The following TPTE variants were observed in gnomAD, a reference collection of about 807,000 sequenced individuals.
TPTE encodes putative tyrosine-protein phosphatase TPTE.
In TPTE, 59 loss-of-function variants were observed where a neutral mutation model predicts 84.1. The ratio of observed to expected loss-of-function variants is 0.70; its 90% CI spans 0.57 to 0.87. The LOEUF is 0.87. Among genes scored for constraint, TPTE ranks in the 40% least tolerant of loss-of-function variants. TPTE has a pLI of 0.00. For synonymous variants in TPTE, 130 were observed against 223.5 expected (o/e 0.58, Z 3.73); for missense variants, 382 against 659.6 (o/e 0.58, Z 4.61).
intron 17 of TPTE, among the ~76,000 whole-genome samples, chr21:10,589,157 T>G (rs1366870009): frequency 6.6e-6 from 1 of 152,306 alleles, no homozygotes; most frequent in Non-Finnish European, 1.5e-5. Flanking sequence ...GGATTTTTCT[T>G]TTTCTTTCCT....
At position 10,605,674 on chromosome 21, in the gene TPTE, T is replaced by G; in HGVS notation, c.*122T>G. The G allele has an allele frequency of 6.8e-7, 1 of 1,478,180 alleles. No homozygotes were observed. The highest frequency in any genetic ancestry group is 1.4e-5 in the African/African-American group (1 of 69,864). 91.6% of individuals were successfully genotyped at this position (1,478,180 alleles called of 1,614,324 possible). On this transcript the variant is annotated 3_prime_UTR_variant, in exon 24 of 24. Transcript: ENST00000618007. ...GTATTTATTTATGTTTATATATGTT[T>G]ATATATGTTCTTCATAAATCTATTA...
Position 10,605,574 on chromosome 21 carries a change from C to T in TPTE, c.*22C>T. On this transcript the variant is annotated 3_prime_UTR_variant, in exon 24 of 24. Coordinates refer to ENST00000618007, the MANE Select transcript of TPTE (RefSeq NM_199261.4). ...TTAAGTATAGCTCCCCCTTCCCCTT[C>T]TGGGAAAGAATTATGTTCTTTCCAA... 1 of 1,613,960 alleles carries T rather than the reference C, an allele frequency of 6.2e-7. No individual in the cohort carries two copies. Among genetic ancestry groups the T allele is most frequent in the Non-Finnish European group, 8.5e-7 (1 of 1,179,856 alleles).
chr21:10,557,682 G>A (rs1218858337), intron 8 of TPTE, among the ~76,000 whole-genome samples: 1 of 152,426 alleles, frequency 6.6e-6, no homozygotes, highest in East Asian at 1.9e-4. Flanking sequence ...AGATTAGAAG[G>A]ATTGGGGATT....
intron 10 of TPTE, among the ~76,000 whole-genome samples, chr21:10,564,958 T>A (rs1346444591): frequency 6.6e-6 from 1 of 152,306 alleles, no homozygotes; most frequent in East Asian, 1.9e-4. Flanking sequence ...GGATGCCCAC[T>A]TTTACCACCG....
intron 10 of TPTE, among the ~76,000 whole-genome samples, chr21:10,562,394 C>A (rs1372096678): frequency 1.3e-5 from 2 of 152,426 alleles, no homozygotes; most frequent in East Asian, 3.8e-4. Flanking sequence ...GAAAACATGA[C>A]CTCACCAAAT....
intron 20 of TPTE, among the ~76,000 whole-genome samples, chr21:10,596,568 CCTCCA>C (rs1423608806): frequency 1.9e-4 from 29 of 152,390 alleles, no homozygotes; most frequent in African/African-American, 6.0e-4. Flanking sequence ...TCCCCTCTCT[CCTCCA>C]TCTGTAACCC....
intron 3 of TPTE, among the ~76,000 whole-genome samples, chr21:10,529,183 CAAAAAAAAAA>C: frequency 6.9e-6 from 1 of 144,142 alleles, no homozygotes; most frequent in East Asian, 2.0e-4. Flanking sequence ...AACTCTGTCT[CAAAAAAAAAA>C]AAAAAAAAGT....
intron 7 of TPTE, among the ~76,000 whole-genome samples, chr21:10,546,731 G>A (rs1347053327): frequency 6.6e-5 from 10 of 152,306 alleles, no homozygotes; most frequent in Non-Finnish European, 1.0e-4. Flanking sequence ...TTAAGCCAAA[G>A]CGTAATCCAG....
intron 3 of TPTE, among the ~76,000 whole-genome samples, chr21:10,530,936 T>C (rs2074166368): frequency 6.6e-6 from 1 of 152,310 alleles, no homozygotes; most frequent in African/African-American, 2.4e-5. Flanking sequence ...TTTATGTTCT[T>C]ATAGCATTTG....
chr21:10,589,477 G>C (rs1249626395), intron 17 of TPTE, among the ~76,000 whole-genome samples: 288 of 151,548 alleles, frequency 1.9e-3, no homozygotes, highest in African/African-American at 6.8e-3. Flanking sequence ...CTCAGCCCTA[G>C]GGGTAGGGGG....
intron 7 of TPTE, among the ~76,000 whole-genome samples, chr21:10,551,012 AG>A (rs1418363451): frequency 1.3e-5 from 2 of 152,300 alleles, no homozygotes; most frequent in Non-Finnish European, 2.9e-5. Context: ...CAGTGAGTGA[AG>A]AAAGAAATTA....
intron 17 of TPTE, among the ~76,000 whole-genome samples, chr21:10,580,071 T>C: frequency 6.6e-6 from 1 of 152,304 alleles, no homozygotes; most frequent in East Asian, 1.9e-4. Flanking sequence ...AGGATATCTC[T>C]TTGTGGTTTT....
chr21:10,574,583 C>G (rs1294572981), intron 14 of TPTE, among the ~76,000 whole-genome samples: 1 of 152,312 alleles, frequency 6.6e-6, no homozygotes, highest in African/African-American at 2.4e-5. Flanking sequence ...GCACCTTCAA[C>G]TGAGATAACC....
At chr21:10,550,665 C>A (rs573513174) in intron 7 of TPTE, among the ~76,000 whole-genome samples, 2 of 152,412 alleles carry the variant, frequency 1.3e-5, no homozygotes, top group East Asian at 3.9e-4. Context: ...ACTTCCGTAT[C>A]CCACTCTCAG....
At position 10,548,761 on chromosome 21, in the gene TPTE, T is replaced by A. The variant is rs1458800623; in HGVS notation, c.174-3896T>A. Among the ~76,000 whole-genome samples, 4 of 152,426 alleles carry A rather than the reference T, an allele frequency of 2.6e-5. No homozygotes were observed. The East Asian group carries it at 7.7e-4, about 29-fold the overall frequency. On this transcript the variant is annotated intron_variant, in intron 7 of 23. Transcript: ENST00000618007. The stretch of plus-strand genomic sequence containing the variant: ...ACTGGCCCCAGGCCAGATGAGCAGC[T>A]GTGTACCCACATACCAGTTATGGGA...
At chr21:10,543,043 G>A (rs1466424223) in intron 6 of TPTE, among the ~76,000 whole-genome samples, 1 of 34,974 alleles carries the variant, frequency 2.9e-5, no homozygotes, top group African/African-American at 1.6e-4. Context: ...TTTTTTTTGA[G>A]ACGGAGTCTC....
chr21:10,528,239 C>G (rs1235035861), intron 3 of TPTE, among the ~76,000 whole-genome samples: 3 of 152,232 alleles, frequency 2.0e-5, no homozygotes, highest in Non-Finnish European at 2.9e-5. Flanking sequence ...TTGTTTCTTA[C>G]TATTTACCTT....
intron 10 of TPTE, among the ~76,000 whole-genome samples, chr21:10,566,043 G>A (rs1365532310): frequency 2.0e-5 from 3 of 152,306 alleles, no homozygotes; most frequent in Admixed American, 6.5e-5. Flanking sequence ...CTTCATAGCA[G>A]AGGAAACGAT....
At chr21:10,544,665 T>C (rs1324183559) in intron 7 of TPTE, among the ~76,000 whole-genome samples, 2 of 152,308 alleles carry the variant, frequency 1.3e-5, no homozygotes, top group Non-Finnish European at 2.9e-5. Context: ...TTTACGGTCA[T>C]GAGCCATCAG....
Sources: gnomAD v4.1 joint callset for allele counts (sites outside exome capture counted in the v4.1 genomes callset) on GRCh38, gnomAD v4.1.1 for gene constraint, MANE v1.5 for transcripts, NCBI Gene and HGNC (gene_info 2026-07-23, HGNC 2026-07-21) for gene names.